CHD7: variants seen among roughly 807,000 people sequenced by gnomAD.
CHD7 encodes the protein chromodomain helicase DNA binding protein 7, also known as ATP-dependent chromatin remodeler CHD7.
Under a neutral mutation model 307.3 loss-of-function variants are expected in CHD7, and 24 were observed. The ratio of observed to expected loss-of-function variants is 0.08; its 90% CI spans 0.06 to 0.11. The LOEUF (loss-of-function observed/expected upper bound fraction) is 0.11. Among genes scored for constraint, CHD7 ranks in the 10% least tolerant of loss-of-function variants. The pLI is 1.00. For synonymous variants in CHD7, 1,363 were observed against 1,349.9 expected (o/e 1.01, Z -0.21); for missense variants, 3,106 against 3,727.1 (o/e 0.83, Z 4.34).
At chr8:60,786,200 C>T (rs1437445529) in intron 3 of CHD7, among the ~76,000 whole-genome samples, 2 of 152,216 alleles carry the variant, frequency 1.3e-5, no homozygotes, top group African/African-American at 4.8e-5. Flanking sequence ...CAAGGCCTTC[C>T]TTTTGCTAGC....
chr8:60,827,776 C>T (rs904263339), intron 13 of CHD7, among the ~76,000 whole-genome samples: 3 of 151,560 alleles, frequency 2.0e-5, no homozygotes, highest in Admixed American at 1.3e-4. Context: ...ATTTACTGAG[C>T]GTATACTCTG....
At chr8:60,829,320 C>T (rs1186041625) in intron 14 of CHD7, among the ~76,000 whole-genome samples, 1 of 152,220 alleles carries the variant, frequency 6.6e-6, no homozygotes, top group African/African-American at 2.4e-5. Context: ...AGTGCTTGGG[C>T]CAGGCGCGGT....
chr8:60,726,639 A>G (rs554798741), intron 1 of CHD7, among the ~76,000 whole-genome samples: 1 of 152,342 alleles, frequency 6.6e-6, no homozygotes, highest in Admixed American at 6.5e-5. Context: ...TATCGTATGT[A>G]TTTGACAAAT....
At chr8:60,775,848 C>G (rs538988102) in intron 2 of CHD7, among the ~76,000 whole-genome samples, 1 of 152,154 alleles carries the variant, frequency 6.6e-6, no homozygotes, top group Admixed American at 6.5e-5. Flanking sequence ...ACCTCCAACT[C>G]CCGGGTTCAA....
intron 1 of CHD7, among the ~76,000 whole-genome samples, chr8:60,714,446 C>T (rs1807472622): frequency 7.1e-6 from 1 of 140,050 alleles, no homozygotes; most frequent in Non-Finnish European, 1.6e-5. Context: ...CACCGCCAGG[C>T]CTCTGGACGC....
intron 32 of CHD7, among the ~76,000 whole-genome samples, chr8:60,855,594 G>T (rs1805664196): frequency 6.6e-6 from 1 of 152,146 alleles, no homozygotes; most frequent in Non-Finnish European, 1.5e-5. Context: ...GCTAATGCAG[G>T]GTTTCCATTG....
intron 13 of CHD7, among the ~76,000 whole-genome samples, chr8:60,826,358 A>T (rs1273800697): frequency 1.3e-5 from 2 of 152,232 alleles, no homozygotes; most frequent in Admixed American, 6.5e-5. Flanking sequence ...GATGGAACAC[A>T]TTATTGTTCA....
chr8:60,844,835 C>A (rs757778981), intron 21 of CHD7, 29 bp from the exon 22 acceptor site: 68 of 1,548,170 alleles, frequency 4.4e-5, no homozygotes, highest in Non-Finnish European at 5.6e-5. Context: ...CTCACAGGCA[C>A]CTCTGCATGC....
intron 1 of CHD7, among the ~76,000 whole-genome samples, chr8:60,720,695 CAG>C (rs1488811975): frequency 1.3e-5 from 2 of 152,224 alleles, no homozygotes; most frequent in Non-Finnish European, 1.5e-5. Flanking sequence ...AAAGCAGTCT[CAG>C]GGATTATTCC....
At chr8:60,720,454 G>T (rs1018577736) in intron 1 of CHD7, among the ~76,000 whole-genome samples, 3 of 152,168 alleles carry the variant, frequency 2.0e-5, no homozygotes, top group Non-Finnish European at 4.4e-5. Flanking sequence ...GGACCTTACT[G>T]TCTTTTGCCA....
At chr8:60,801,195 A>G (rs974170690) in intron 5 of CHD7, among the ~76,000 whole-genome samples, 5 of 152,232 alleles carry the variant, frequency 3.3e-5, no homozygotes, top group African/African-American at 9.6e-5. Context: ...CCCCATGGGT[A>G]TAGATGAAGA....
chr8:60,741,573 T>C lies in CHD7; in HGVS notation c.141T>C (p.Phe47=), dbSNP rs2150577522. 1 of 1,613,686 alleles carries C rather than the reference T, an allele frequency of 6.2e-7. No homozygotes were observed. Among genetic ancestry groups the C allele is most frequent in the Non-Finnish European group, 8.5e-7 (1 of 1,179,772 alleles). The change falls in exon 2 of 38, where the codon TTT becomes TTC. Residue 47 remains phenylalanine (F), a synonymous_variant. Coordinates refer to ENST00000423902, the MANE Select transcript of CHD7 (RefSeq NM_017780.4). ...MGQQMPIDQG[F]ASLQPSLHHP... The stretch of plus-strand genomic sequence containing the variant: ...AGCAAATGCCAATAGACCAAGGCTT[T>C]GCCTCTTTACAGCCATCCCTTCATC...
chr8:60,759,096 C>A (rs915545745), intron 2 of CHD7, among the ~76,000 whole-genome samples: 1 of 152,098 alleles, frequency 6.6e-6, no homozygotes, highest in East Asian at 1.9e-4. Flanking sequence ...TCTCAGGGAC[C>A]CCTGAGGGTC....
At chr8:60,815,526 C>T (rs1803691986) in intron 7 of CHD7, among the ~76,000 whole-genome samples, 1 of 152,078 alleles carries the variant, frequency 6.6e-6, no homozygotes, top group South Asian at 2.1e-4. Flanking sequence ...TGCCATAAAA[C>T]ATTAACTGTG....
intron 2 of CHD7, among the ~76,000 whole-genome samples, chr8:60,775,831 C>T (rs1810924275): frequency 1.3e-5 from 2 of 152,178 alleles, no homozygotes; most frequent in Admixed American, 1.3e-4. Context: ...GATCTCGGCT[C>T]ACCGCAACCT....
intron 19 of CHD7, among the ~76,000 whole-genome samples, chr8:60,840,625 CT>C (rs59584670): frequency 1.4e-4 from 21 of 145,934 alleles, no homozygotes; most frequent in Admixed American, 2.7e-4. Flanking sequence ...GAATATGTTT[CT>C]TTTTTTTTTT....
intron 32 of CHD7, among the ~76,000 whole-genome samples, chr8:60,855,702 T>C (rs1306115268): frequency 6.6e-6 from 1 of 152,230 alleles, no homozygotes. Context: ...ATGTAGTACA[T>C]TTTTCTGTTT....
chr8:60,725,511 A>C (rs1021099000), intron 1 of CHD7, among the ~76,000 whole-genome samples: 2 of 152,348 alleles, frequency 1.3e-5, no homozygotes, highest in Non-Finnish European at 2.9e-5. Flanking sequence ...TGGGAATGAC[A>C]GTTGACATTA....
At chr8:60,723,500 A>G (rs1281798210) in intron 1 of CHD7, among the ~76,000 whole-genome samples, 5 of 152,210 alleles carry the variant, frequency 3.3e-5, no homozygotes, top group African/African-American at 1.2e-4. Flanking sequence ...TGTAGGAATG[A>G]TGGCATAGAG....
Sources: allele counts gnomAD v4.1 joint callset (sites outside exome capture counted in the v4.1 genomes callset), GRCh38; gene constraint gnomAD v4.1.1; transcripts MANE v1.5; gene names NCBI Gene and HGNC (gene_info 2026-07-23, HGNC 2026-07-21).